The following ACP3 variants were observed in gnomAD, a reference collection of about 807,000 sequenced individuals.
The protein encoded by ACP3 is acid phosphatase 3.
ACP3 carries 38 observed loss-of-function variants against 45.6 expected under a neutral mutation model. The observed-to-expected ratio is 0.83, with a 90% CI of 0.64 to 1.09. The LOEUF (loss-of-function observed/expected upper bound fraction) is 1.09. Among genes scored for constraint, ACP3 ranks in the 50% least tolerant of loss-of-function variants. The probability of loss-of-function intolerance (pLI) is 0.00; values close to 1 mark genes in which losing one functional copy is unlikely to be tolerated. For synonymous variants in ACP3, 162 were observed against 164.7 expected (o/e 0.98, Z 0.13); for missense variants, 466 against 463.2 (o/e 1.01, Z -0.05).
At chr3:132,352,339 A>G (rs945376900) in intron 8 of ACP3, among the ~76,000 whole-genome samples, 1 of 148,632 alleles carries the variant, frequency 6.7e-6, no homozygotes, top group Non-Finnish European at 1.5e-5. Context: ...CTGGATTTAC[A>G]GGCCCATGCC....
At chr3:132,350,063 AG>A in intron 8 of ACP3, 61 bp downstream of exon 8, 1 of 1,185,508 alleles carries the variant, frequency 8.4e-7, no homozygotes. Context: ...CTTGAAGCAC[AG>A]GACCTCATCT....
intron 2 of ACP3, among the ~76,000 whole-genome samples, chr3:132,330,394 C>T (rs1271680948): frequency 3.3e-5 from 5 of 152,132 alleles, no homozygotes; most frequent in East Asian, 1.9e-4. Context: ...ATCACCATCA[C>T]GTGGGAACTT....
At chr3:132,346,795 C>A (rs1937614362) in intron 7 of ACP3, among the ~76,000 whole-genome samples, 1 of 152,188 alleles carries the variant, frequency 6.6e-6, no homozygotes, top group Non-Finnish European at 1.5e-5. Context: ...ATTCAGGCAC[C>A]TAGTCCCTCA....
chr3:132,348,291 G>C (rs1261753002), intron 7 of ACP3, among the ~76,000 whole-genome samples: 1 of 152,128 alleles, frequency 6.6e-6, no homozygotes, highest in Non-Finnish European at 1.5e-5. Context: ...TTCCACGATA[G>C]CATGTTCTAA....
downstream of ACP3, among the ~76,000 whole-genome samples, chr3:132,359,620 C>T (rs73862393): frequency 0.081 from 12,366 of 152,118 alleles, 1,122 homozygotes; most frequent in East Asian, 0.48. Flanking sequence ...TTACCCTACC[C>T]TCTCCTTCAT....
chr3:132,345,193 C>CA, intron 7 of ACP3, 134 bp downstream of exon 7: 1 of 751,906 alleles, frequency 1.3e-6, no homozygotes, highest in Non-Finnish European at 2.1e-6. Context: ...TTCCATTCTG[C>CA]AAAATGGGGA....
intron 4 of ACP3, among the ~76,000 whole-genome samples, chr3:132,334,806 A>G (rs1937462743): frequency 6.6e-6 from 1 of 152,246 alleles, no homozygotes; most frequent in Non-Finnish European, 1.5e-5. Flanking sequence ...AGGCAGTGTG[A>G]TGTTAGAAGG....
chr3:132,356,879 T>C lies in ACP3; in HGVS notation c.*1T>C, dbSNP rs150662127. On this transcript the variant is annotated 3_prime_UTR_variant, in exon 10 of 10. Transcript: ENST00000336375. The stretch of plus-strand genomic sequence containing the variant: ...AGGTACTGAAGACAGTACAGATTAG[T>C]GTGCACAGAGATCTCTGTAGAAGGA... 1.2e-6 allele frequency: 2 copies of C among 1,609,866 alleles called. No individual in the cohort carries two copies. The highest frequency in any genetic ancestry group is 2.2e-5 in the East Asian group (1 of 44,776).
intron 2 of ACP3, among the ~76,000 whole-genome samples, 198 bp downstream of exon 2, chr3:132,328,560 T>C (rs1373269832): frequency 6.6e-6 from 1 of 151,386 alleles, no homozygotes; most frequent in Non-Finnish European, 1.5e-5. Flanking sequence ...GCACCTGTAA[T>C]CCCAGCTACT....
intron 5 of ACP3, among the ~76,000 whole-genome samples, chr3:132,340,041 A>C (rs1937534765): frequency 6.6e-6 from 1 of 152,200 alleles, no homozygotes; most frequent in African/African-American, 2.4e-5. Context: ...AAGGCCGGGC[A>C]CAGTGGCTCA....
intron 8 of ACP3, among the ~76,000 whole-genome samples, chr3:132,352,361 C>T (rs1937763706): frequency 7.4e-6 from 1 of 135,598 alleles, no homozygotes; most frequent in South Asian, 2.4e-4. Flanking sequence ...CCACACCCAG[C>T]TTTTTTTTTT....
rs16839134 is a variant in ACP3 at position 132,358,374 on chromosome 3, T to A, written c.*1496T>A. 1.3e-4 allele frequency: 155 copies of A among 1,220,574 alleles called. No individual in the cohort carries two copies. The African/African-American group carries it at 2.3e-3, about 18-fold the overall frequency. 75.6% of individuals were successfully genotyped at this position (1,220,574 alleles called of 1,614,324 possible). A position where few individuals can be genotyped will look rare whatever the true frequency, so the allele number is the denominator to read the frequency against. On this transcript the variant is annotated 3_prime_UTR_variant, in exon 10 of 10. Transcript: ENST00000336375. ...TAGGAGGACAAAAGGAATGTGTAAG[T>A]CTTTAATGCCGATATCTTCAGAAAA...
In ACP3 at chr3:132,364,888, T is replaced by G. The variant is rs372199130; in HGVS notation, c.1139-2816T>G. Among the ~76,000 whole-genome samples, 6 of 152,260 alleles carry G rather than the reference T, an allele frequency of 3.9e-5. No individual in the cohort carries two copies. The East Asian group carries it at 5.8e-4, about 15-fold the overall frequency. On this transcript the variant is annotated intron_variant, in intron 10 of 10. Transcript: ENST00000351273. ...AGCCATGAAAATAGATTTTTAAGGA[T>G]CACTACTATCTGCCTTCCTCATTTC...
intron 5 of ACP3, 140 bp downstream of exon 5, chr3:132,337,694 G>A (rs891650596): frequency 3.7e-6 from 2 of 541,362 alleles, no homozygotes; most frequent in Non-Finnish European, 6.6e-6. Context: ...ACAGCAATGG[G>A]TTAGAATATT....
At chr3:132,355,208 G>A (rs1199794193) in intron 9 of ACP3, among the ~76,000 whole-genome samples, 1 of 152,162 alleles carries the variant, frequency 6.6e-6, no homozygotes, top group East Asian at 1.9e-4. Flanking sequence ...CTTTTAAAGG[G>A]GACACATATC....
intron 1 of ACP3, among the ~76,000 whole-genome samples, chr3:132,327,988 C>T (rs1257536204): frequency 3.9e-5 from 6 of 152,132 alleles, no homozygotes; most frequent in African/African-American, 1.4e-4. Context: ...ACCTGAAACA[C>T]AGTGAAAGTG....
chr3:132,361,635 C>A (rs984098859), downstream of ACP3, among the ~76,000 whole-genome samples: 1 of 152,196 alleles, frequency 6.6e-6, no homozygotes, highest in South Asian at 2.1e-4. Context: ...AATGTATTCA[C>A]CCCTACTGAA....
intron 8 of ACP3, among the ~76,000 whole-genome samples, chr3:132,351,366 A>G (rs760073929): frequency 1.1e-4 from 17 of 152,224 alleles, no homozygotes; most frequent in Non-Finnish European, 2.1e-4. Context: ...TGTATTATAC[A>G]TTCAAATAGC....
At chr3:132,317,674 C>A in intron 1 of ACP3, 98 bp downstream of exon 1, 1 of 1,353,460 alleles carries the variant, frequency 7.4e-7, no homozygotes, top group Admixed American at 2.8e-5. Context: ...TGGATTGTTT[C>A]CCAGAGACCA....
Sources: gnomAD v4.1 joint callset for allele counts (sites outside exome capture counted in the v4.1 genomes callset) on GRCh38, gnomAD v4.1.1 for gene constraint, MANE v1.5 for transcripts, NCBI Gene and HGNC (gene_info 2026-07-23, HGNC 2026-07-21) for gene names.